The following TEAD4 variants were observed in gnomAD, a reference collection of about 807,000 sequenced individuals.
TEAD4 encodes the protein transcriptional enhancer factor TEF-3.
TEAD4 carries 36 observed loss-of-function variants against 52.4 expected under a neutral mutation model. The ratio of observed to expected loss-of-function variants is 0.69; its 90% confidence interval spans 0.53 to 0.91. The LOEUF (loss-of-function observed/expected upper bound fraction) is 0.91. Ranked by LOEUF, TEAD4 falls within the 40% of genes least tolerant of loss-of-function variation. TEAD4 has a pLI of 0.00. For missense variants in TEAD4, 508 were observed against 583.9 expected (o/e 0.87, Z 1.34); for synonymous variants, 220 against 231.0 (o/e 0.95, Z 0.43).
chr12:2,979,977 C>T (rs890472481), intron 2 of TEAD4, among the ~76,000 whole-genome samples: 1 of 152,120 alleles, frequency 6.6e-6, no homozygotes, highest in Non-Finnish European at 1.5e-5. Flanking sequence ...GGCAGGGGAG[C>T]CTGTTCCTCT....
rs574541969 is a variant in TEAD4, at chr12:2,995,007, G to A, written c.226+15G>A. Reference sequence around the variant, plus strand: ...CAAGATGTATGGTAAGGAGCCCGTCGGGTTCAGCCCTGTACCTGAGGCTGA... The same window carrying A: ...CAAGATGTATGGTAAGGAGCCCGTCAGGTTCAGCCCTGTACCTGAGGCTGA... On this transcript the variant is annotated intron_variant, in intron 3 of 12. Coordinates refer to ENST00000359864, the MANE Select transcript of TEAD4 (RefSeq NM_003213.4). 19 of 1,611,014 alleles carry A rather than the reference G, an allele frequency of 1.2e-5. No individual in the cohort carries two copies. Among genetic ancestry groups the A allele is most frequent in the African/African-American group, 9.3e-5 (7 of 75,064 alleles).
intron 10 of TEAD4, among the ~76,000 whole-genome samples, chr12:3,025,922 C>A (rs1467141047): frequency 8.2e-6 from 1 of 121,500 alleles, no homozygotes; most frequent in African/African-American, 2.9e-5. Flanking sequence ...AATTCCCTAT[C>A]CTTTATTATG....
chr12:3,013,266 T>TC (rs1491019160), intron 5 of TEAD4, among the ~76,000 whole-genome samples: 1 of 110,914 alleles, frequency 9.0e-6, no homozygotes, highest in Non-Finnish European at 1.6e-5. Context: ...AACATTTTTT[T>TC]TTTTTTTTTT....
chr12:2,982,722 A>C (rs1485023867), intron 2 of TEAD4, among the ~76,000 whole-genome samples: 3 of 152,170 alleles, frequency 2.0e-5, no homozygotes, highest in Non-Finnish European at 4.4e-5. Context: ...TTCGGTAACA[A>C]ACCCTGTGGC....
At chr12:2,980,308 T>C (rs1214767258) in intron 2 of TEAD4, among the ~76,000 whole-genome samples, 1 of 152,176 alleles carries the variant, frequency 6.6e-6, no homozygotes, top group Non-Finnish European at 1.5e-5. Flanking sequence ...TCTTCGTGTC[T>C]GCAGAGATGA....
At position 3,019,226 on chromosome 12, in the gene TEAD4, G is replaced by A. The variant is rs1217243253; in HGVS notation, c.583+56G>A. 18 of 1,602,894 alleles carry A rather than the reference G, an allele frequency of 1.1e-5. No homozygotes were observed. The African/African-American group carries it at 2.4e-4, about 21-fold the overall frequency. On this transcript the variant is annotated intron_variant, in intron 8 of 12. Transcript: ENST00000359864. Reference sequence around the variant, plus strand: ...TCGCAGCCATGTGGCTCCTGCCTCTGGGTCCAGGCCCCCGGCAGCCGAACG... The same window carrying A: ...TCGCAGCCATGTGGCTCCTGCCTCTAGGTCCAGGCCCCCGGCAGCCGAACG...
chr12:3,017,540 C>T lies in TEAD4; in HGVS notation c.483+14C>T, dbSNP rs113007435. On this transcript the variant is annotated intron_variant, in intron 6 of 12. Coordinates refer to ENST00000359864, the MANE Select transcript of TEAD4 (RefSeq NM_003213.4). Reference sequence around the variant, plus strand: ...GCAGTCTCAGGGGTAAGTGGGCTGCCGAGAGCTGGAGGCCAGGCCAGCCCT... The same window carrying T: ...GCAGTCTCAGGGGTAAGTGGGCTGCTGAGAGCTGGAGGCCAGGCCAGCCCT... 1.7e-5 allele frequency: 28 copies of T among 1,609,052 alleles called. No individual in the cohort carries two copies. Among genetic ancestry groups the T allele is most frequent in the Middle Eastern group, 3.3e-4 (2 of 6,062 alleles).
At chr12:2,993,375 TC>T (rs1469575781) in intron 2 of TEAD4, among the ~76,000 whole-genome samples, 2 of 152,226 alleles carry the variant, frequency 1.3e-5, no homozygotes, top group Admixed American at 1.3e-4. Flanking sequence ...TCTTGCTAAC[TC>T]CTGGACTCAA....
At chr12:2,973,608 C>T (rs1360533001) in intron 2 of TEAD4, among the ~76,000 whole-genome samples, 11 of 152,212 alleles carry the variant, frequency 7.2e-5, no homozygotes, top group Non-Finnish European at 1.5e-4. Flanking sequence ...AGAGGAGTCA[C>T]GGGGCCTTCC....
intron 2 of TEAD4, among the ~76,000 whole-genome samples, chr12:2,974,600 G>A (rs957177829): frequency 1.3e-5 from 2 of 152,124 alleles, no homozygotes; most frequent in Admixed American, 6.6e-5. Flanking sequence ...CTACTTTCCC[G>A]GAGCTCCTAG....
chr12:3,028,353 CTT>C (rs1040492371), intron 10 of TEAD4, among the ~76,000 whole-genome samples: 17 of 152,192 alleles, frequency 1.1e-4, no homozygotes, highest in African/African-American at 3.9e-4. Context: ...TGGCAACTCT[CTT>C]TCACTTTCTG....
At chr12:2,980,690 T>A (rs1358448258) in intron 2 of TEAD4, among the ~76,000 whole-genome samples, 1 of 151,164 alleles carries the variant, frequency 6.6e-6, no homozygotes, top group South Asian at 2.1e-4. Flanking sequence ...TCCATATCGC[T>A]CCACTGTACT....
intron 2 of TEAD4, among the ~76,000 whole-genome samples, chr12:2,985,432 G>A (rs1014716465): frequency 3.3e-5 from 5 of 149,648 alleles, no homozygotes; most frequent in Non-Finnish European, 5.9e-5. Flanking sequence ...CAAACACATC[G>A]TACAGCTGTA....
chr12:2,993,923 A>G (rs1377271113), intron 2 of TEAD4, among the ~76,000 whole-genome samples: 1 of 152,146 alleles, frequency 6.6e-6, no homozygotes, highest in Non-Finnish European at 1.5e-5. Context: ...TAAAGCTCCT[A>G]TTTCGCTGTA....
At chr12:2,998,996 C>T (rs1186116197) in intron 3 of TEAD4, among the ~76,000 whole-genome samples, 4 of 152,170 alleles carry the variant, frequency 2.6e-5, no homozygotes, top group African/African-American at 9.7e-5. Flanking sequence ...TCCCGGGGGC[C>T]GAGCCAAGGC....
intron 3 of TEAD4, among the ~76,000 whole-genome samples, chr12:2,999,786 T>C (rs2098250239): frequency 6.6e-6 from 1 of 152,182 alleles, no homozygotes; most frequent in African/African-American, 2.4e-5. Flanking sequence ...TCTCGCCCCC[T>C]TCTGCCTGCT....
intron 2 of TEAD4, among the ~76,000 whole-genome samples, chr12:2,977,657 C>G (rs1408796119): frequency 6.6e-6 from 1 of 152,212 alleles, no homozygotes; most frequent in Non-Finnish European, 1.5e-5. Context: ...CAGTAAGTTG[C>G]TGAACAGCTG....
chr12:2,985,517 T>C lies in TEAD4; in HGVS notation c.-29-9221T>C, dbSNP rs903742891. Among the ~76,000 whole-genome samples, 2 of 137,344 alleles carry C rather than the reference T, an allele frequency of 1.5e-5. 1 individual carries two copies. Among genetic ancestry groups the C allele is most frequent in the African/African-American group, 5.4e-5 (2 of 37,278 alleles). 90.1% of individuals were successfully genotyped at this position (137,344 alleles called of 152,430 possible). On this transcript the variant is annotated intron_variant, in intron 2 of 12. Transcript: ENST00000359864. Reference sequence around the variant, plus strand: ...TTACAAAATCTTTTTTTTTTTTTTTTTTTTTTGAGACGGAGTCTCATTCTG... The same window carrying C: ...TTACAAAATCTTTTTTTTTTTTTTTCTTTTTTGAGACGGAGTCTCATTCTG...
intron 5 of TEAD4, 145 bp from the exon 6 acceptor site, chr12:3,017,253 A>T: frequency 4.7e-6 from 5 of 1,070,048 alleles, no homozygotes; most frequent in Non-Finnish European, 5.5e-6. Flanking sequence ...AAAACAAGTT[A>T]ATAGCACGGC....
Sources: allele counts gnomAD v4.1 joint callset (sites outside exome capture counted in the v4.1 genomes callset), GRCh38; gene constraint gnomAD v4.1.1; transcripts MANE v1.5; gene names NCBI Gene and HGNC (gene_info 2026-07-23, HGNC 2026-07-21).